Variants in MAP3K13 observed in about 807,000 individuals in gnomAD.
MAP3K13 encodes leucine zipper-bearing kinase.
MAP3K13 carries 52 observed loss-of-function variants against 104.0 expected under a neutral mutation model. The ratio of observed to expected loss-of-function variants is 0.50; its 90% CI spans 0.40 to 0.63. MAP3K13 has a LOEUF of 0.63. Ranked by LOEUF, MAP3K13 falls within the 20% of genes least tolerant of loss-of-function variation. The pLI is 0.00. For missense variants in MAP3K13, 914 were observed against 1,218.5 expected, an observed-to-expected ratio of 0.75 and a Z score of 3.72; for synonymous variants, 394 against 442.2, an observed-to-expected ratio of 0.89 and a Z score of 1.37.
chr3:185,318,947 T>G (rs1014887413), intron 2 of MAP3K13, among the ~76,000 whole-genome samples: 4 of 152,334 alleles, frequency 2.6e-5, no homozygotes, highest in East Asian at 3.8e-4. Context: ...TATACTTTTC[T>G]TGTACCCTCA....
rs140591696 is a variant in MAP3K13 at position 185,308,759 on chromosome 3, C to T, written c.-86+23116C>T. Among the ~76,000 whole-genome samples the T allele has an allele frequency of 1.5e-4, 23 of 152,296 alleles. 1 individual carries two copies. In the East Asian group the frequency reaches 4.5e-3, roughly 29 times the overall value. On this transcript the variant is annotated intron_variant, in intron 2 of 14. Transcript: ENST00000424227. Reference sequence around the variant, plus strand: ...CACATTCTATCCTTTTCTTTCCCTTCTGATGAGAAGATGCAAGTTTGGCAT... The same window carrying T: ...CACATTCTATCCTTTTCTTTCCCTTTTGATGAGAAGATGCAAGTTTGGCAT...
At chr3:185,437,726 T>C in intron 3 of MAP3K13, 96 bp downstream of exon 3, 1 of 1,222,792 alleles carries the variant, frequency 8.2e-7, no homozygotes, top group Non-Finnish European at 1.1e-6. Flanking sequence ...TTCAAAAGCA[T>C]TCTCTAGACT....
intron 2 of MAP3K13, among the ~76,000 whole-genome samples, chr3:185,323,280 T>C (rs771168344): frequency 6.6e-6 from 1 of 152,080 alleles, no homozygotes; most frequent in Non-Finnish European, 1.5e-5. Context: ...TCCATGACTG[T>C]AGTTTTTCTA....
Position 185,461,204 on chromosome 3 carries a change from A to T in MAP3K13, c.1279-2346A>T, listed in dbSNP as rs73885719. 4.4e-3 allele frequency among the ~76,000 whole-genome samples: 671 copies of T among 152,268 alleles called. 3 individuals are homozygous for T. The highest frequency in any genetic ancestry group is 0.016 in the African/African-American group (647 of 41,554). On this transcript the variant is annotated intron_variant, in intron 7 of 13. Transcript: ENST00000265026. ...TCAAACAATGCAGTAGTGTATTCTG[A>T]TGAGATTGGGCACGTTCAGGGTGGT...
upstream of MAP3K13, among the ~76,000 whole-genome samples, chr3:185,358,698 A>G (rs915852570): frequency 6.6e-6 from 1 of 152,196 alleles, no homozygotes. Flanking sequence ...TCAGTTATTG[A>G]CCAAGGCTCC....
At chr3:185,355,466 C>CAAAAAAAA (rs10554957) in intron 2 of MAP3K13, among the ~76,000 whole-genome samples, 2 of 135,970 alleles carry the variant, frequency 1.5e-5, no homozygotes, top group South Asian at 4.8e-4. Flanking sequence ...AACTCTGTCT[C>CAAAAAAAA]AAAAAAAAAA....
At chr3:185,377,055 G>C (rs916943613) in intron 1 of MAP3K13, among the ~76,000 whole-genome samples, 1 of 152,100 alleles carries the variant, frequency 6.6e-6, no homozygotes, top group Non-Finnish European at 1.5e-5. Context: ...GAGAGGTTGT[G>C]GAGGGAGGTA....
chr3:185,455,191 G>GATATATATATGATATATATGAGAT (rs1560118661), intron 7 of MAP3K13, among the ~76,000 whole-genome samples: 1 of 82,220 alleles, frequency 1.2e-5, no homozygotes, highest in African/African-American at 4.9e-5. Flanking sequence ...ATATATATGA[G>GATATATATATGATATATATGAGAT]ATATATATAT....
chr3:185,487,261 C>T lies in MAP3K13; in HGVS notation c.*4805C>T, dbSNP rs1334221386. On this transcript the variant is annotated 3_prime_UTR_variant, in exon 14 of 14. Transcript: ENST00000265026. ...CTCACTGCAGCCTCAACCTCCTGGGCTCAAGTGATCCTCCCACCTCAGCCT... is the reference window on the plus strand; with the variant it reads ...CTCACTGCAGCCTCAACCTCCTGGGTTCAAGTGATCCTCCCACCTCAGCCT... 1 of 152,200 alleles carries T rather than the reference C, an allele frequency of 6.6e-6. No individual in the cohort carries two copies. The highest frequency in any genetic ancestry group is 1.5e-5 in the Non-Finnish European group (1 of 68,246). 9.4% of individuals were successfully genotyped at this position (152,200 alleles called of 1,614,324 possible).
At chr3:185,350,975 G>A (rs181205975) in intron 2 of MAP3K13, among the ~76,000 whole-genome samples, 19 of 152,170 alleles carry the variant, frequency 1.2e-4, no homozygotes, top group South Asian at 1.0e-3. Flanking sequence ...CCTATCAACC[G>A]TAGACTAGAT....
chr3:185,404,612 T>C (rs1384770608), intron 1 of MAP3K13, among the ~76,000 whole-genome samples: 1 of 152,222 alleles, frequency 6.6e-6, no homozygotes, highest in Admixed American at 6.5e-5. Flanking sequence ...AATCTTGCTC[T>C]GTCACCTAGG....
chr3:185,403,568 ATCACAATGTACATATATC>A (rs1712934926), intron 1 of MAP3K13, among the ~76,000 whole-genome samples: 1 of 152,240 alleles, frequency 6.6e-6, no homozygotes, highest in South Asian at 2.1e-4. Flanking sequence ...TGTGGTAATC[ATCACAATGTACATATATC>A]TCAAAACATC....
chr3:185,473,956 A>G lies in MAP3K13; in HGVS notation c.2430+195A>G, dbSNP rs1717961610. Among the ~76,000 whole-genome samples the G allele has an allele frequency of 6.6e-6, 1 of 152,248 alleles. No individual in the cohort carries two copies. The highest frequency in any genetic ancestry group is 1.5e-5 in the Non-Finnish European group (1 of 68,036). On this transcript the variant is annotated intron_variant, in intron 11 of 13. Transcript: ENST00000265026. This position sits in a 1 kb window ranked among gnomAD's most constrained non-coding sequence, Gnocchi z 4.9. ...CTGTTTAAGTGATAAACTACGGAATACACTTTAGCAACTACTGAACCAGAG... is the reference window on the plus strand; with the variant it reads ...CTGTTTAAGTGATAAACTACGGAATGCACTTTAGCAACTACTGAACCAGAG...
rs1471273747 is a variant in MAP3K13, at chr3:185,395,616, C to T, written c.-86+32248C>T. Among the ~76,000 whole-genome samples, 17 of 151,428 alleles carry T rather than the reference C, an allele frequency of 1.1e-4. No homozygotes were observed. In the East Asian group the frequency reaches 2.7e-3, roughly 24 times the overall value. On this transcript the variant is annotated intron_variant, in intron 1 of 13. Coordinates refer to ENST00000265026, the MANE Select transcript of MAP3K13 (RefSeq NM_004721.5). ...CTCGTGATCCGCCCGCCTCGGCCTCCCAAAGTGCTGGGATTACAGGCGTGA... is the reference window on the plus strand; with the variant it reads ...CTCGTGATCCGCCCGCCTCGGCCTCTCAAAGTGCTGGGATTACAGGCGTGA...
At chr3:185,325,609 G>A (rs1325291096) in intron 2 of MAP3K13, among the ~76,000 whole-genome samples, 2 of 152,178 alleles carry the variant, frequency 1.3e-5, no homozygotes. Context: ...AAGCTGAGAA[G>A]GTAAGAAGGA....
intron 7 of MAP3K13, among the ~76,000 whole-genome samples, chr3:185,454,955 T>TATATATATGAGATATATATATGATG (rs1716330946): frequency 1.9e-4 from 17 of 89,538 alleles, no homozygotes; most frequent in African/African-American, 7.2e-4. Flanking sequence ...ATATATATGA[T>TATATATATGAGATATATATATGATG]ATATATATGA....
intron 2 of MAP3K13, among the ~76,000 whole-genome samples, chr3:185,357,398 A>G (rs1464518243): frequency 1.3e-5 from 2 of 150,578 alleles, no homozygotes; most frequent in African/African-American, 4.9e-5. Context: ...CGGTGAGCCA[A>G]GATCGCGCCA....
chr3:185,380,211 A>G (rs1406191677), intron 1 of MAP3K13, among the ~76,000 whole-genome samples: 1 of 150,442 alleles, frequency 6.6e-6, no homozygotes, highest in African/African-American at 2.5e-5. Flanking sequence ...ACAAAAAAAC[A>G]GAAGAAGTGC....
Position 185,441,498 on chromosome 3 carries a change from G to C in MAP3K13, c.660-1947G>C, listed in dbSNP as rs568487718. Among the ~76,000 whole-genome samples the C allele has an allele frequency of 3.9e-5, 6 of 152,298 alleles. No individual in the cohort carries two copies. The South Asian group carries it at 1.2e-3, about 32-fold the overall frequency. The stretch of plus-strand genomic sequence containing the variant: ...TGCATATAAAGAACTAGTGGCTGTT[G>C]TATATCATAGGAATTTAGGGAAGAG... On this transcript the variant is annotated intron_variant, in intron 3 of 13. Transcript: ENST00000265026.
Sources: allele counts gnomAD v4.1 joint callset (sites outside exome capture counted in the v4.1 genomes callset), GRCh38; gene constraint gnomAD v4.1.1; non-coding constraint Gnocchi (gnomAD v3.1); transcripts MANE v1.5; gene names NCBI Gene and HGNC (gene_info 2026-07-23, HGNC 2026-07-21).